PAIP1: variants seen among roughly 807,000 people sequenced by gnomAD.
PAIP1 encodes the protein poly(A) binding protein interacting protein 1, also known as polyadenylate-binding protein-interacting protein 1.
Under a neutral mutation model 61.3 loss-of-function variants are expected in PAIP1, and 16 were observed. That is an observed-to-expected ratio of 0.26 (90% confidence interval 0.18 to 0.40). The LOEUF (loss-of-function observed/expected upper bound fraction) is 0.40, where lower values mean the gene tolerates loss of function less well. PAIP1 is among the 10% of genes least tolerant of loss of function. The pLI, the probability that PAIP1 is intolerant of heterozygous loss-of-function variation, is 1.00. For missense variants in PAIP1, 416 were observed against 600.9 expected, an observed-to-expected ratio of 0.69 and a Z score of 3.22; for synonymous variants, 187 against 226.2, an observed-to-expected ratio of 0.83 and a Z score of 1.56.
chr5:43,531,676 A>AAAAAAAAAAAAAAAAAAAAG (rs70997407), intron 9 of PAIP1, among the ~76,000 whole-genome samples: 2 of 143,104 alleles, frequency 1.4e-5, no homozygotes, highest in South Asian at 2.3e-4. Context: ...AAAAAAAAAA[A>AAAAAAAAAAAAAAAAAAAAG]AGAGAAAAAA....
chr5:43,547,648 G>A, intron 3 of PAIP1, 80 bp downstream of exon 3: 1 of 807,596 alleles, frequency 1.2e-6, no homozygotes, highest in Non-Finnish European at 2.0e-6. Context: ...CATGAATCTG[G>A]TCTCCCTCAA....
In PAIP1 at chr5:43,555,904, C is replaced by G; in HGVS notation, c.361G>C (p.Ala121Pro). Reference protein sequence around the residue: ...SAMAKPQVVVAPVLMSKLSVN... With the variant: ...SAMAKPQVVVPPVLMSKLSVN... ...GACAGCTTAGACATTAATACAGGAG[C>G]TACAACCACCTGGGGCTTAGCCATT... The change falls in exon 2 of 11, where the codon GCT becomes CCT. Residue 121 changes from alanine (A) to proline (P), a missense_variant. Ala to Pro is a conservative substitution (Grantham distance 27). Transcript: ENST00000306846. 1 of 1,613,746 alleles carries G rather than the reference C, an allele frequency of 6.2e-7. No individual in the cohort carries two copies. The highest frequency in any genetic ancestry group is 8.5e-7 in the Non-Finnish European group (1 of 1,179,756).
chr5:43,531,126 T>C (rs1381929814), intron 9 of PAIP1, among the ~76,000 whole-genome samples: 4 of 152,030 alleles, frequency 2.6e-5, no homozygotes, highest in African/African-American at 9.7e-5. Context: ...TTTGTAGAAA[T>C]TGGTGCCCCA....
chr5:43,541,532 C>A (rs1747410732), intron 4 of PAIP1, among the ~76,000 whole-genome samples: 1 of 149,554 alleles, frequency 6.7e-6, no homozygotes, highest in Non-Finnish European at 1.5e-5. Flanking sequence ...CTTTTTTTCC[C>A]AAATGACTAT....
In PAIP1 at chr5:43,556,980, C is replaced by T. The variant is rs1579934268; in HGVS notation, c.-134G>A. 1 of 1,239,332 alleles carries T rather than the reference C, an allele frequency of 8.1e-7. No homozygotes were observed. Among genetic ancestry groups the T allele is most frequent in the Non-Finnish European group, 1.0e-6 (1 of 987,552 alleles). 76.8% of individuals were successfully genotyped at this position (1,239,332 alleles called of 1,614,324 possible). A position where few individuals can be genotyped will look rare whatever the true frequency, so the allele number is the denominator to read the frequency against. ...CCTCATGGAGGAGGAGGGCGGCGGG[C>T]CCCGGCTCGGCTGCTCGGTGCTTCT... On this transcript the variant is annotated 5_prime_UTR_variant, in exon 1 of 11. Coordinates refer to ENST00000306846, the MANE Select transcript of PAIP1 (RefSeq NM_006451.5).
chr5:43,545,839 G>A (rs1015712305), intron 3 of PAIP1, among the ~76,000 whole-genome samples: 2 of 151,208 alleles, frequency 1.3e-5, no homozygotes, highest in African/African-American at 4.9e-5. Context: ...GCGCAATCTC[G>A]GCTCACTGCA....
chr5:43,536,669 C>T (rs1258249758), intron 6 of PAIP1, 150 bp downstream of exon 6: 9 of 476,544 alleles, frequency 1.9e-5, no homozygotes, highest in Non-Finnish European at 3.0e-5. Context: ...AAGTATATCT[C>T]GCTTTTCCAA....
chr5:43,530,994 T>G (rs969023676), intron 9 of PAIP1, among the ~76,000 whole-genome samples: 2 of 152,118 alleles, frequency 1.3e-5, no homozygotes, highest in African/African-American at 4.8e-5. Flanking sequence ...AGGTCTGGTA[T>G]CTTAAACAAA....
intron 1 of PAIP1, 154 bp from the exon 2 acceptor site, chr5:43,556,153 A>T: frequency 2.1e-6 from 3 of 1,413,682 alleles, no homozygotes; most frequent in Non-Finnish European, 2.8e-6. Flanking sequence ...GTGTACAGAC[A>T]GCCTACAAAA....
intron 8 of PAIP1, among the ~76,000 whole-genome samples, chr5:43,534,026 A>T (rs535038226): frequency 6.6e-6 from 1 of 152,190 alleles, no homozygotes; most frequent in African/African-American, 2.4e-5. Context: ...ATTGTCTTTC[A>T]GTGAACTGTT....
chr5:43,531,656 C>CA lies in PAIP1; in HGVS notation c.1253-1778dup, dbSNP rs369954867. On this transcript the variant is annotated intron_variant, in intron 9 of 10. Transcript: ENST00000306846. ...TGGGTAACAGAGTGAGACTCTGTCT[C>CA]AAAAAAAAAAAAAAAAAAAAAGAGA... 7.7e-3 allele frequency among the ~76,000 whole-genome samples: 462 copies of CA among 59,850 alleles called. 12 individuals are homozygous for CA. Among genetic ancestry groups the CA allele is most frequent in the African/African-American group, 0.016 (330 of 20,558 alleles). The allele number at this position is 59,850 out of a possible 152,430, so 39.3% of individuals were successfully genotyped here. A position where few individuals can be genotyped will look rare whatever the true frequency, so the allele number is the denominator to read the frequency against.
Position 43,556,795 on chromosome 5 carries a change from C to CCCGGCT in PAIP1, c.46_51dup (p.Ser16_Arg17dup), listed in dbSNP as rs1215583171. ...GGCCCGCCCCCTCCGCGGCCCAGGC[C>CCCGGCT]CCGGCTCCGGCCCCGACCAGCACCT... On this transcript the variant is annotated inframe_insertion, in exon 1 of 11. Transcript: ENST00000306846. 7 of 1,454,014 alleles carry CCCGGCT rather than the reference C, an allele frequency of 4.8e-6. No homozygotes were observed. Among genetic ancestry groups the CCCGGCT allele is most frequent in the East Asian group, 3.0e-5 (1 of 32,892 alleles). The allele number at this position is 1,454,014 out of a possible 1,614,324, so 90.1% of individuals were successfully genotyped here. A position where few individuals can be genotyped will look rare whatever the true frequency, so the allele number is the denominator to read the frequency against.
intron 1 of PAIP1, 72 bp downstream of exon 1, chr5:43,556,510 C>T (rs1748086062): frequency 8.2e-7 from 1 of 1,220,448 alleles, no homozygotes; most frequent in Non-Finnish European, 1.0e-6. Context: ...GCGCGTCGGG[C>T]CTCGGCACGC....
rs534926602 is a variant in PAIP1, at chr5:43,541,047, T to C, written c.734+1957A>G. 2.1e-4 allele frequency among the ~76,000 whole-genome samples: 32 copies of C among 151,718 alleles called. No homozygotes were observed. The South Asian group carries it at 2.7e-3, about 13-fold the overall frequency. On this transcript the variant is annotated intron_variant, in intron 4 of 10. Coordinates refer to ENST00000306846, the MANE Select transcript of PAIP1 (RefSeq NM_006451.5). ...GTGTTTCTTTAATTATAAGTATGGT[T>C]AGATATCTTTTTATAACTTTGACAT...
chr5:43,547,626 G>A (rs1006396748), intron 3 of PAIP1, 102 bp downstream of exon 3: 1 of 701,770 alleles, frequency 1.4e-6, no homozygotes, highest in Admixed American at 2.6e-5. Context: ...AGTAAGTGTG[G>A]AGGCAGGTGA....
At chr5:43,543,310 C>CAAAAAAAAAAAAAAAAAA (rs11427976) in intron 3 of PAIP1, among the ~76,000 whole-genome samples, 194 bp from the exon 4 acceptor site, 2 of 96,044 alleles carry the variant, frequency 2.1e-5, no homozygotes, top group African/African-American at 5.1e-5. Flanking sequence ...ACAATAAGTA[C>CAAAAAAAAAAAAAAAAAA]AAAAAAAAAA....
rs1350723779 is a variant in PAIP1, at chr5:43,556,949, CTCGGGCCTCAT to C, written c.-114_-104del. On this transcript the variant is annotated 5_prime_UTR_variant, in exon 1 of 11. The change abolishes an upstream ATG in the 5' untranslated region. Coordinates refer to ENST00000306846, the MANE Select transcript of PAIP1 (RefSeq NM_006451.5). ...GGTCGGCTATAGCCGCCGCGCCTCA[CTCGGGCCTCAT>C]GGAGGAGGAGGGCGGCGGGCCCCGG... 3.4e-5 allele frequency: 43 copies of C among 1,270,328 alleles called. No individual in the cohort carries two copies. The highest frequency in any genetic ancestry group is 4.3e-5 in the Non-Finnish European group (43 of 1,007,600). 78.7% of individuals were successfully genotyped at this position (1,270,328 alleles called of 1,614,324 possible).
chr5:43,535,058 CTTAAT>C (rs1747090200), intron 7 of PAIP1, 88 bp from the exon 8 acceptor site: 1 of 739,868 alleles, frequency 1.4e-6, no homozygotes, highest in East Asian at 2.5e-5. Flanking sequence ...ACTTTATTTC[CTTAAT>C]TTAACAGGTA....
At position 43,543,132 on chromosome 5, in the gene PAIP1, A is replaced by C; in HGVS notation, c.622-16T>G. ...TAGATGTGGCCTTTTAAAAAGAAGA[A>C]AAGTGTTATATGACATAGGTACATC... On this transcript the variant is annotated splice_polypyrimidine_tract_variant and intron_variant, in intron 3 of 10. Coordinates refer to ENST00000306846, the MANE Select transcript of PAIP1 (RefSeq NM_006451.5). The C allele has an allele frequency of 1.6e-6, 2 of 1,287,678 alleles. No individual in the cohort carries two copies. The allele number at this position is 1,287,678 out of a possible 1,614,324, so 79.8% of individuals were successfully genotyped here. A position where few individuals can be genotyped will look rare whatever the true frequency, so the allele number is the denominator to read the frequency against.
Sources: gnomAD v4.1 joint callset for allele counts (sites outside exome capture counted in the v4.1 genomes callset) on GRCh38, gnomAD v4.1.1 for gene constraint, MANE v1.5 for transcripts, NCBI Gene and HGNC (gene_info 2026-07-23, HGNC 2026-07-21) for gene names.